Variants in NKX2-2 observed in about 807,000 individuals in gnomAD.
The protein encoded by NKX2-2 is homeobox protein Nkx-2.2.
In NKX2-2, 8 loss-of-function variants were observed where a neutral mutation model predicts 24.6. That is an observed-to-expected ratio of 0.32 (90% confidence interval 0.19 to 0.59). The LOEUF (loss-of-function observed/expected upper bound fraction) is 0.59, where lower values mean the gene tolerates loss of function less well. Ranked by LOEUF, NKX2-2 falls within the 20% of genes least tolerant of loss-of-function variation. NKX2-2 has a pLI of 0.86. For synonymous variants in NKX2-2, 217 were observed against 173.3 expected (o/e 1.25, Z -1.98); for missense variants, 381 against 373.9 (o/e 1.02, Z -0.16).
upstream of NKX2-2, among the ~76,000 whole-genome samples, chr20:21,517,858 G>T (rs1980680286): frequency 6.6e-6 from 1 of 152,094 alleles, no homozygotes; most frequent in Admixed American, 6.5e-5. Flanking sequence ...CTGCGATCCC[G>T]CACACCCGCA....
upstream of NKX2-2, among the ~76,000 whole-genome samples, chr20:21,514,860 G>A (rs1980579501): frequency 6.6e-6 from 1 of 152,210 alleles, no homozygotes; most frequent in African/African-American, 2.4e-5. Context: ...AAACCCAGGA[G>A]AGAGCTCCGC....
chr20:21,520,185 G>T, the NKX2-2 span, among the ~76,000 whole-genome samples: 3 of 152,072 alleles, frequency 2.0e-5, no homozygotes, highest in African/African-American at 7.2e-5. Context: ...TCCCCACCCC[G>T]TTCCTACAGA....
chr20:21,521,955 G>A, the NKX2-2 span, among the ~76,000 whole-genome samples: 1 of 152,208 alleles, frequency 6.6e-6, no homozygotes, highest in Non-Finnish European at 1.5e-5. Context: ...GGGACCGCAG[G>A]CGGGGACCGC....
chr20:21,513,199 T>A lies in NKX2-2; in HGVS notation c.259+212A>T, dbSNP rs879756221. Among the ~76,000 whole-genome samples, 11 of 152,024 alleles carry A rather than the reference T, an allele frequency of 7.2e-5. No homozygotes were observed. Among genetic ancestry groups the A allele is most frequent in the East Asian group, 1.9e-4 (1 of 5,168 alleles). ...CCTTAACTTCTCGCATTGAAAAAAATTTTGGAGACCAAGTTCTTTCCCGGA... is the reference window on the plus strand; with the variant it reads ...CCTTAACTTCTCGCATTGAAAAAAAATTTGGAGACCAAGTTCTTTCCCGGA... On this transcript the variant is annotated intron_variant, in intron 1 of 1. Transcript: ENST00000377142. The surrounding 1 kb of genome is among the most constrained non-coding windows in gnomAD (Gnocchi z 4.6).
At chr20:21,520,078 C>A in the NKX2-2 span, among the ~76,000 whole-genome samples, 1 of 152,054 alleles carries the variant, frequency 6.6e-6, no homozygotes, top group African/African-American at 2.4e-5. Flanking sequence ...GAGTGGATGC[C>A]TCCCAGATGG....
upstream of NKX2-2, among the ~76,000 whole-genome samples, chr20:21,515,034 G>A (rs1010568779): frequency 3.3e-5 from 5 of 149,554 alleles, no homozygotes; most frequent in African/African-American, 4.9e-5. Flanking sequence ...TTCACTTTCT[G>A]CTTTGCGGGC....
the NKX2-2 span, among the ~76,000 whole-genome samples, chr20:21,520,778 A>C: frequency 6.6e-6 from 1 of 152,142 alleles, no homozygotes; most frequent in South Asian, 2.1e-4. Flanking sequence ...TGCTCTAATG[A>C]CTAAATATGT....
In NKX2-2 at chr20:21,512,166, C is replaced by G. The variant is rs1458710484; in HGVS notation, c.579G>C (p.Glu193Asp). The G allele has an allele frequency of 6.2e-7, 1 of 1,613,814 alleles. No homozygotes were observed. The highest frequency in any genetic ancestry group is 8.5e-7 in the Non-Finnish European group (1 of 1,179,944). The change falls in exon 2 of 2, where the codon GAG becomes GAC. Residue 193 changes from glutamate (E) to aspartate (D), a missense_variant. By Grantham distance (45) the Glu-to-Asp change is conservative. This residue lies in a region of NKX2-2 where 139 missense variants were observed against 121.7 expected (regional missense o/e 1.14). Transcript: ENST00000377142. Reference sequence around the variant, plus strand: ...GGCGCGGCGAGGGCAGGGGCGTCACCTCCATACCTTTCTCGGCCCGGGCGC... The same window carrying G: ...GGCGCGGCGAGGGCAGGGGCGTCACGTCCATACCTTTCTCGGCCCGGGCGC... ...MKRARAEKGMEVTPLPSPRRV... is the reference protein window; with the variant it reads ...MKRARAEKGMDVTPLPSPRRV...
At chr20:21,522,345 C>A in the NKX2-2 span, among the ~76,000 whole-genome samples, 1 of 152,204 alleles carries the variant, frequency 6.6e-6, no homozygotes, top group Non-Finnish European at 1.5e-5. Flanking sequence ...GCCCCGAGAC[C>A]CCTCTCTGCT....
At chr20:21,519,452 T>C in the NKX2-2 span, among the ~76,000 whole-genome samples, 1 of 152,144 alleles carries the variant, frequency 6.6e-6, no homozygotes, top group Non-Finnish European at 1.5e-5. Flanking sequence ...AGGGGGAAGG[T>C]TTATTTTATC....
chr20:21,518,464 G>C (rs1435680343), upstream of NKX2-2, among the ~76,000 whole-genome samples: 1 of 152,200 alleles, frequency 6.6e-6, no homozygotes, highest in Non-Finnish European at 1.5e-5. Context: ...TGCTGCTCTG[G>C]GTTCCGCAAC....
At chr20:21,517,699 C>T (rs1478662014), upstream of NKX2-2, among the ~76,000 whole-genome samples, 3 of 152,212 alleles carry the variant, frequency 2.0e-5, no homozygotes, top group Admixed American at 1.3e-4. Flanking sequence ...TTTCTTGGGC[C>T]CGGCTTGCGC....
At position 21,512,303 on chromosome 20, in the gene NKX2-2, G is replaced by C; in HGVS notation, c.442C>G (p.Arg148Gly). ...GGCGCCGACAGGTACCGCTGCTGCC[G>C]AAAGCGCCGCTCCAGCTCGTAGGTC... ...AQTYELERRF[R>G]QQRYLSAPER... The change falls in exon 2 of 2, where the codon CGG (arginine) becomes GGG (glycine). Residue 148 changes from arginine (R) to glycine (G), a missense_variant. This residue lies in a region of NKX2-2 where 36 missense variants were observed against 79.2 expected (regional missense o/e 0.45). Coordinates refer to ENST00000377142, the MANE Select transcript of NKX2-2 (RefSeq NM_002509.4). 1 of 1,613,596 alleles carries C rather than the reference G, an allele frequency of 6.2e-7. No homozygotes were observed. Among genetic ancestry groups the C allele is most frequent in the Non-Finnish European group, 8.5e-7 (1 of 1,179,902 alleles).
chr20:21,515,294 A>G (rs1438618892), upstream of NKX2-2, among the ~76,000 whole-genome samples: 1 of 150,890 alleles, frequency 6.6e-6, no homozygotes, highest in African/African-American at 2.4e-5. Flanking sequence ...TTGTGTCTCC[A>G]GCCTGGGTGA....
At chr20:21,519,385 C>T in the NKX2-2 span, among the ~76,000 whole-genome samples, 1 of 152,194 alleles carries the variant, frequency 6.6e-6, no homozygotes, top group African/African-American at 2.4e-5. Flanking sequence ...AAACAAAGCG[C>T]GTTGCACCTT....
chr20:21,513,684 A>G lies in NKX2-2; in HGVS notation c.-15T>C, dbSNP rs1980525920. 4 of 1,506,152 alleles carry G rather than the reference A, an allele frequency of 2.7e-6. No individual in the cohort carries two copies. The highest frequency in any genetic ancestry group is 1.4e-5 in the African/African-American group (1 of 69,594). 93.3% of individuals were successfully genotyped at this position (1,506,152 alleles called of 1,614,324 possible). Reference sequence around the variant, plus strand: ...GTCAGCGACATGGTTCGAGACCCCAAAATTTATGTCGCAAAGTTGTAGCTT... The same window carrying G: ...GTCAGCGACATGGTTCGAGACCCCAGAATTTATGTCGCAAAGTTGTAGCTT... On this transcript the variant is annotated 5_prime_UTR_variant, in exon 1 of 2. Coordinates refer to ENST00000377142, the MANE Select transcript of NKX2-2 (RefSeq NM_002509.4). The surrounding 1 kb of genome is among the most constrained non-coding windows in gnomAD (Gnocchi z 4.6).
chr20:21,520,020 T>C, the NKX2-2 span, among the ~76,000 whole-genome samples: 1 of 152,256 alleles, frequency 6.6e-6, no homozygotes, highest in South Asian at 2.1e-4. Context: ...TTTTTTCCTT[T>C]GGTCCATATT....
At chr20:21,516,540 G>C (rs1980644696), upstream of NKX2-2, among the ~76,000 whole-genome samples, 1 of 152,070 alleles carries the variant, frequency 6.6e-6, no homozygotes, top group South Asian at 2.1e-4. Flanking sequence ...TGGATCCAGG[G>C]GCGGGAGTGG....
At chr20:21,516,053 G>A (rs1235240981), upstream of NKX2-2, among the ~76,000 whole-genome samples, 2 of 152,238 alleles carry the variant, frequency 1.3e-5, no homozygotes, top group East Asian at 3.9e-4. Context: ...TCCCGCTCCC[G>A]TTGGAAGCCT....
Sources: gnomAD v4.1 joint callset for allele counts (sites outside exome capture counted in the v4.1 genomes callset) on GRCh38, gnomAD v4.1.1 for gene constraint, gnomAD v4.1.1 regional missense constraint, Gnocchi (gnomAD v3.1) non-coding constraint, MANE v1.5 for transcripts, NCBI Gene and HGNC (gene_info 2026-07-23, HGNC 2026-07-21) for gene names.